Variants in MCF2L2 observed in about 807,000 individuals in gnomAD.
MCF2L2 encodes MCF.2 cell line derived transforming sequence-like 2, also known as probable guanine nucleotide exchange factor MCF2L2.
Under a neutral mutation model 150.2 loss-of-function variants are expected in MCF2L2, and 102 were observed. The ratio of observed to expected loss-of-function variants is 0.68; its 90% CI spans 0.58 to 0.80. MCF2L2 has a LOEUF of 0.80. MCF2L2 is among the 30% of genes least tolerant of loss of function. MCF2L2 has a pLI of 0.00. For synonymous variants in MCF2L2, 465 were observed against 491.3 expected (o/e 0.95, Z 0.71); for missense variants, 1,256 against 1,372.8 (o/e 0.91, Z 1.34).
intron 3 of MCF2L2, chr3:183,378,671 G>A (rs1713332091): frequency 6.6e-6 from 1 of 151,872 alleles, no homozygotes; most frequent in Non-Finnish European, 1.5e-5. Flanking sequence ...CCTAAACAAG[G>A]GTCATGTGTC....
At chr3:183,317,964 G>C (rs1729665778) in intron 7 of MCF2L2, 104 bp downstream of exon 7, 1 of 1,402,402 alleles carries the variant, frequency 7.1e-7, no homozygotes, top group Non-Finnish European at 9.7e-7. Context: ...TAAAGAAGAA[G>C]GAAAACGAGG....
At chr3:183,377,494 T>C (rs1430216586) in intron 3 of MCF2L2, 1 of 152,190 alleles carries the variant, frequency 6.6e-6, no homozygotes, top group Non-Finnish European at 1.5e-5. Flanking sequence ...AACATTACTT[T>C]TGAGAACCAA....
chr3:183,380,765 T>C (rs578164761), intron 2 of MCF2L2, among the ~76,000 whole-genome samples: 1 of 152,270 alleles, frequency 6.6e-6, no homozygotes, highest in East Asian at 1.9e-4. Context: ...TGCATCTTTA[T>C]AAAGCTGGGG....
chr3:183,367,796 G>A (rs1274431818), intron 3 of MCF2L2, among the ~76,000 whole-genome samples: 1 of 152,104 alleles, frequency 6.6e-6, no homozygotes, highest in Non-Finnish European at 1.5e-5. Context: ...TAACAAAAAT[G>A]AGAGAATGAG....
intron 15 of MCF2L2, among the ~76,000 whole-genome samples, chr3:183,245,945 C>T (rs1480406803): frequency 1.3e-5 from 2 of 152,036 alleles, no homozygotes; most frequent in African/African-American, 4.8e-5. Context: ...TTCTCATTAC[C>T]CTGATGATTT....
intron 3 of MCF2L2, among the ~76,000 whole-genome samples, chr3:183,355,605 C>T (rs1711722710): frequency 1.4e-5 from 2 of 145,044 alleles, no homozygotes. Flanking sequence ...CGCCACCACG[C>T]CCAGCTAATT....
chr3:183,362,992 A>C (rs1347579759), intron 3 of MCF2L2, among the ~76,000 whole-genome samples: 1 of 152,240 alleles, frequency 6.6e-6, no homozygotes, highest in South Asian at 2.1e-4. Flanking sequence ...CAAAAGACCT[A>C]AACAGCACCT....
intron 21 of MCF2L2, among the ~76,000 whole-genome samples, chr3:183,216,576 AT>A (rs1722941928): frequency 3.8e-5 from 1 of 26,528 alleles, no homozygotes; most frequent in African/African-American, 2.7e-4. Flanking sequence ...ATATATATAT[AT>A]ATATTTTTTT....
chr3:183,324,842 T>G (rs1729957678), intron 5 of MCF2L2, among the ~76,000 whole-genome samples: 1 of 152,012 alleles, frequency 6.6e-6, no homozygotes. Context: ...TGCCAGGTTA[T>G]TCACAATAGC....
At chr3:183,311,073 T>G (rs1272177177) in intron 8 of MCF2L2, 44 bp from the exon 9 acceptor site, 2 of 1,262,534 alleles carry the variant, frequency 1.6e-6, no homozygotes, top group Admixed American at 3.4e-5. Flanking sequence ...TAGCATTCAT[T>G]TCCACAGGCA....
intron 3 of MCF2L2, among the ~76,000 whole-genome samples, chr3:183,348,526 C>T (rs7653798): frequency 0.13 from 19,711 of 151,798 alleles, 1,364 homozygotes; most frequent in African/African-American, 0.14. Flanking sequence ...GGAACAAACC[C>T]GCTCATTCTG....
chr3:183,311,994 T>C (rs950823164), intron 7 of MCF2L2, among the ~76,000 whole-genome samples: 25 of 152,222 alleles, frequency 1.6e-4, no homozygotes, highest in African/African-American at 5.1e-4. Context: ...AAAAAAAGTA[T>C]ATTTTTCCTC....
intron 7 of MCF2L2, among the ~76,000 whole-genome samples, chr3:183,312,495 G>T (rs944434070): frequency 1.8e-4 from 28 of 152,282 alleles, no homozygotes; most frequent in African/African-American, 6.3e-4. Flanking sequence ...AACAAAAGTG[G>T]CAGAGCCTGA....
At chr3:183,304,696 A>T (rs1306013342) in intron 10 of MCF2L2, among the ~76,000 whole-genome samples, 2 of 150,298 alleles carry the variant, frequency 1.3e-5, no homozygotes, top group Non-Finnish European at 3.0e-5. Context: ...CTGGTCTCGA[A>T]CTCCTGAGCT....
intron 3 of MCF2L2, among the ~76,000 whole-genome samples, chr3:183,363,560 A>G (rs1418841725): frequency 7.5e-6 from 1 of 132,838 alleles, no homozygotes; most frequent in African/African-American, 2.8e-5. Flanking sequence ...CGTGGGCAAC[A>G]TAGGGAGACC....
At chr3:183,334,051 C>T (rs151184413) in intron 5 of MCF2L2, among the ~76,000 whole-genome samples, 1 of 151,540 alleles carries the variant, frequency 6.6e-6, no homozygotes, top group African/African-American at 2.4e-5. Context: ...TCTGGGACAG[C>T]TGGAGCACCA....
chr3:183,288,390 C>A (rs146554914), intron 14 of MCF2L2, among the ~76,000 whole-genome samples: 204 of 152,126 alleles, frequency 1.3e-3, no homozygotes, highest in African/African-American at 4.6e-3. Flanking sequence ...GACACTGGCA[C>A]AATCCACAGA....
chr3:183,264,330 G>A (rs890078279), intron 15 of MCF2L2, among the ~76,000 whole-genome samples: 5 of 152,144 alleles, frequency 3.3e-5, no homozygotes, highest in African/African-American at 1.2e-4. Context: ...AACCCCCACC[G>A]ATTTCTCTAC....
intron 15 of MCF2L2, among the ~76,000 whole-genome samples, chr3:183,262,322 C>G (rs1472434349): frequency 2.6e-5 from 4 of 151,918 alleles, no homozygotes; most frequent in African/African-American, 9.7e-5. Context: ...CAATATTCAG[C>G]CCCCAGCAGG....
Sources: allele counts gnomAD v4.1 joint callset (sites outside exome capture counted in the v4.1 genomes callset), GRCh38; gene constraint gnomAD v4.1.1; transcripts MANE v1.5; gene names NCBI Gene and HGNC (gene_info 2026-07-23, HGNC 2026-07-21).